The following KIF6 variants were observed in gnomAD, a reference collection of about 807,000 sequenced individuals.
The protein encoded by KIF6 is kinesin-like protein KIF6.
Under a neutral mutation model 112.7 loss-of-function variants are expected in KIF6, and 106 were observed. The ratio of observed to expected loss-of-function variants is 0.94; its 90% CI spans 0.80 to 1.11. KIF6 has a LOEUF of 1.11. Among genes scored for constraint, KIF6 ranks in the 50% least tolerant of loss-of-function variants. The probability of loss-of-function intolerance (pLI) is 0.00; values close to 1 mark genes in which losing one functional copy is unlikely to be tolerated. For synonymous variants in KIF6, 339 were observed against 339.9 expected, an observed-to-expected ratio of 1.00 and a Z score of 0.03; for missense variants, 929 against 964.0, an observed-to-expected ratio of 0.96 and a Z score of 0.48.
chr6:39,438,582 A>G (rs1249256263), intron 13 of KIF6, among the ~76,000 whole-genome samples: 1 of 152,230 alleles, frequency 6.6e-6, no homozygotes, highest in East Asian at 1.9e-4. Context: ...ATAAAGAAAA[A>G]AATATTTTTG....
At chr6:39,362,260 G>A (rs1765218843) in intron 17 of KIF6, among the ~76,000 whole-genome samples, 174 bp downstream of exon 17, 2 of 152,078 alleles carry the variant, frequency 1.3e-5, no homozygotes, top group Non-Finnish European at 2.9e-5. Flanking sequence ...ACACTGCCTG[G>A]GGTCCTGCCT....
intron 13 of KIF6, among the ~76,000 whole-genome samples, chr6:39,527,698 T>C (rs1015402691): frequency 1.3e-5 from 2 of 152,216 alleles, no homozygotes; most frequent in African/African-American, 4.8e-5. Flanking sequence ...CACTTATTTT[T>C]CTAGCCTTAT....
chr6:39,701,203 C>T (rs570855779), intron 3 of KIF6, among the ~76,000 whole-genome samples: 1 of 152,342 alleles, frequency 6.6e-6, no homozygotes, highest in Admixed American at 6.5e-5. Flanking sequence ...TGTTCAGACA[C>T]TCAGGACAAA....
intron 5 of KIF6, among the ~76,000 whole-genome samples, chr6:39,623,198 G>T (rs560088626): frequency 6.6e-6 from 1 of 152,190 alleles, no homozygotes; most frequent in South Asian, 2.1e-4. Flanking sequence ...TTCATTATTA[G>T]AACTTTTACT....
chr6:39,725,209 CCGCCG>C (rs1248368011), intron 1 of KIF6, 31 bp downstream of exon 1: 1 of 1,592,088 alleles, frequency 6.3e-7, no homozygotes, highest in East Asian at 2.3e-5. Context: ...CCAAGAGGCC[CCGCCG>C]CGCCGGCGCC....
chr6:39,666,598 T>G (rs972818707), intron 3 of KIF6, among the ~76,000 whole-genome samples: 3 of 152,228 alleles, frequency 2.0e-5, no homozygotes, highest in African/African-American at 7.2e-5. Context: ...TAGTGTGTTC[T>G]GTAACACTGG....
At chr6:39,549,497 G>A (rs1376387231) in intron 10 of KIF6, among the ~76,000 whole-genome samples, 2 of 152,134 alleles carry the variant, frequency 1.3e-5, no homozygotes, top group Non-Finnish European at 2.9e-5. Context: ...CACACAGCAA[G>A]CACACAGGTA....
intron 3 of KIF6, among the ~76,000 whole-genome samples, chr6:39,655,405 C>G (rs1047757255): frequency 5.3e-5 from 8 of 152,024 alleles, no homozygotes; most frequent in African/African-American, 1.9e-4. Context: ...CAGATAGTAG[C>G]TTACCTTTTA....
At chr6:39,595,631 G>A (rs1215187975) in intron 7 of KIF6, among the ~76,000 whole-genome samples, 1 of 152,164 alleles carries the variant, frequency 6.6e-6, no homozygotes, top group Non-Finnish European at 1.5e-5. Flanking sequence ...TTTGAAAAAG[G>A]AAGAAATTCT....
At chr6:39,622,629 T>G (rs560272937) in intron 5 of KIF6, among the ~76,000 whole-genome samples, 49 of 152,336 alleles carry the variant, frequency 3.2e-4, no homozygotes, top group Non-Finnish European at 6.2e-4. Context: ...GCTTTGATTT[T>G]GTTCAGGGAA....
rs1194045449 is a variant in KIF6 at position 39,378,039 on chromosome 6, A to G, written c.1861+7583T>C. On this transcript the variant is annotated intron_variant, in intron 16 of 22. Coordinates refer to ENST00000287152, the MANE Select transcript of KIF6 (RefSeq NM_145027.6). The surrounding 1 kb of genome is among the most constrained non-coding windows in gnomAD (Gnocchi z 5.0). ...AAGATATTTTCTTTTTTTAATTAAT[A>G]CTATCAGTATAACTATCTTCTATAA... Among the ~76,000 whole-genome samples the G allele has an allele frequency of 6.6e-6, 1 of 152,142 alleles. No individual in the cohort carries two copies. Among genetic ancestry groups the G allele is most frequent in the Non-Finnish European group, 1.5e-5 (1 of 68,038 alleles).
rs200395861 is a variant in KIF6, at chr6:39,463,324, A to G, written c.1646-32163T>C. 1.1e-4 allele frequency among the ~76,000 whole-genome samples: 16 copies of G among 152,292 alleles called. No homozygotes were observed. The East Asian group carries it at 2.7e-3, about 26-fold the overall frequency. ...AGCCTCTATTGTCCAATCTGCCTCC[A>G]GCCTCATCAATCCCAACCTACTATC... On this transcript the variant is annotated intron_variant, in intron 13 of 22. Transcript: ENST00000287152.
chr6:39,519,718 A>AAAACC (rs1013300796), intron 13 of KIF6, among the ~76,000 whole-genome samples: 1 of 151,900 alleles, frequency 6.6e-6, no homozygotes, highest in Non-Finnish European at 1.5e-5. Flanking sequence ...AAAACAAAAC[A>AAAACC]AAACAAAACA....
Position 39,534,110 on chromosome 6 carries a change from G to GA in KIF6, c.1645+5892dup, listed in dbSNP as rs538218933. 7.5e-3 allele frequency among the ~76,000 whole-genome samples: 1,143 copies of GA among 152,204 alleles called. 15 individuals are homozygous for GA. The highest frequency in any genetic ancestry group is 0.026 in the African/African-American group (1,062 of 41,520). On this transcript the variant is annotated intron_variant, in intron 13 of 22. Coordinates refer to ENST00000287152, the MANE Select transcript of KIF6 (RefSeq NM_145027.6). The stretch of plus-strand genomic sequence containing the variant: ...AAGTAGATAAAACCACAAAGATGGG[G>GA]AAAAAACAGAGCAGAAAAACTGGAA...
intron 13 of KIF6, among the ~76,000 whole-genome samples, chr6:39,490,587 G>T (rs544625590): frequency 6.6e-6 from 1 of 152,170 alleles, no homozygotes; most frequent in African/African-American, 2.4e-5. Flanking sequence ...GCTAGTTCTG[G>T]CAAAAGGCTG....
chr6:39,354,318 C>A (rs1351555592), intron 19 of KIF6: 1 of 180,122 alleles, frequency 5.6e-6, no homozygotes, highest in Non-Finnish European at 1.2e-5. Flanking sequence ...CCAGTCTGGC[C>A]ACTGTGGAAG....
intron 3 of KIF6, among the ~76,000 whole-genome samples, chr6:39,650,812 G>GA (rs1296960906): frequency 6.6e-6 from 1 of 151,864 alleles, no homozygotes; most frequent in African/African-American, 2.4e-5. Flanking sequence ...GGATACAAAA[G>GA]AAAATAGAAA....
At position 39,382,793 on chromosome 6, in the gene KIF6, T is replaced by C. The variant is rs1581726691; in HGVS notation, c.1861+2829A>G. ...AATTTGCATTCCCACCAGCAGTGTA[T>C]AAATATACCCTTTTCTGTGCAACCT... On this transcript the variant is annotated intron_variant, in intron 16 of 22. Transcript: ENST00000287152. Among the ~76,000 whole-genome samples the C allele has an allele frequency of 3.9e-5, 6 of 152,198 alleles. No individual in the cohort carries two copies. The South Asian group carries it at 1.0e-3, about 26-fold the overall frequency.
chr6:39,347,979 G>C (rs1422222003), intron 19 of KIF6, among the ~76,000 whole-genome samples: 1 of 152,238 alleles, frequency 6.6e-6, no homozygotes, highest in African/African-American at 2.4e-5. Context: ...CCTGTGCTGG[G>C]TCTAGTGAGG....
Sources: allele counts gnomAD v4.1 joint callset (sites outside exome capture counted in the v4.1 genomes callset), GRCh38; gene constraint gnomAD v4.1.1; non-coding constraint Gnocchi (gnomAD v3.1); transcripts MANE v1.5; gene names NCBI Gene and HGNC (gene_info 2026-07-23, HGNC 2026-07-21).